The following ACTR3 variants were observed in gnomAD, a reference collection of about 807,000 sequenced individuals.
ACTR3 encodes actin related protein 3.
Under a neutral mutation model 56.8 loss-of-function variants are expected in ACTR3, and 12 were observed. The observed-to-expected ratio is 0.21, with a 90% CI of 0.14 to 0.34. ACTR3 has a LOEUF of 0.34. Ranked by LOEUF, ACTR3 falls within the 10% of genes least tolerant of loss-of-function variation. The pLI, the probability that ACTR3 is intolerant of heterozygous loss-of-function variation, is 1.00. For missense variants in ACTR3, 282 were observed against 512.5 expected (o/e 0.55, Z 4.34); for synonymous variants, 162 against 167.4 (o/e 0.97, Z 0.25).
At chr2:113,916,185 T>G (rs569678315) in intron 2 of ACTR3, among the ~76,000 whole-genome samples, 33 of 152,268 alleles carry the variant, frequency 2.2e-4, no homozygotes, top group Middle Eastern at 6.8e-3. Flanking sequence ...CCAGATCAGT[T>G]TAAGTGCATT....
At chr2:113,916,422 G>C (rs1054970922) in intron 2 of ACTR3, among the ~76,000 whole-genome samples, 1 of 152,064 alleles carries the variant, frequency 6.6e-6, no homozygotes, top group Non-Finnish European at 1.5e-5. Flanking sequence ...AGTAATTACT[G>C]TTACTAGACC....
chr2:113,932,284 G>A (rs1182008258), intron 5 of ACTR3, among the ~76,000 whole-genome samples: 1 of 152,176 alleles, frequency 6.6e-6, no homozygotes, highest in Non-Finnish European at 1.5e-5. Flanking sequence ...AACCTGTCAT[G>A]AACTTTATAG....
At chr2:113,919,586 A>C (rs1002614668) in intron 3 of ACTR3, among the ~76,000 whole-genome samples, 2 of 152,116 alleles carry the variant, frequency 1.3e-5, no homozygotes, top group Non-Finnish European at 2.9e-5. Flanking sequence ...TTGTTTTGAC[A>C]AGGAAAAAGT....
At chr2:113,952,530 G>A (rs1028511155) in intron 10 of ACTR3, 6 of 152,008 alleles carry the variant, frequency 3.9e-5, no homozygotes, top group Non-Finnish European at 1.5e-5. Context: ...CTTCTGCTTG[G>A]AAGATTACCA....
chr2:113,907,976 CAAA>C (rs70937249), intron 1 of ACTR3, among the ~76,000 whole-genome samples: 1 of 69,074 alleles, frequency 1.4e-5, no homozygotes, highest in African/African-American at 5.6e-5. Flanking sequence ...CTCTGTCCCC[CAAA>C]AAAAAAAAAA....
rs532406664 is a variant in ACTR3, at chr2:113,890,684, C to T, written c.44+361C>T. 168 of 1,146,434 alleles carry T rather than the reference C, an allele frequency of 1.5e-4. 1 individual carries two copies. In the South Asian group the frequency reaches 3.0e-3, roughly 20 times the overall value. 71.0% of individuals were successfully genotyped at this position (1,146,434 alleles called of 1,614,324 possible). A position where few individuals can be genotyped will look rare whatever the true frequency, so the allele number is the denominator to read the frequency against. On this transcript the variant is annotated intron_variant, in intron 1 of 11. Coordinates refer to ENST00000263238, the MANE Select transcript of ACTR3 (RefSeq NM_005721.5). ...GGCCCGACCCATCCGGCTTTCCTTT[C>T]CCTCCGCGCCCGTTTTTGCCAGTCG...
chr2:113,901,743 C>G (rs567771907), intron 1 of ACTR3, among the ~76,000 whole-genome samples: 1 of 152,102 alleles, frequency 6.6e-6, no homozygotes, highest in South Asian at 2.1e-4. Flanking sequence ...AAAACTTGTT[C>G]CGTATGTAGA....
chr2:113,954,634 T>C (rs1680177680), intron 10 of ACTR3: 1 of 143,516 alleles, frequency 7.0e-6, no homozygotes, highest in Admixed American at 7.0e-5. Context: ...GGCTCTTAGG[T>C]TTTTTTTTTT....
At chr2:113,890,538 G>A in intron 1 of ACTR3, 3 of 1,376,546 alleles carry the variant, frequency 2.2e-6, no homozygotes, top group Non-Finnish European at 2.8e-6. Context: ...GCGGGCCCGA[G>A]ATTCAACCCC....
At position 113,899,005 on chromosome 2, in the gene ACTR3, A is replaced by G. The variant is rs191035341; in HGVS notation, c.44+8682A>G. Among the ~76,000 whole-genome samples the G allele has an allele frequency of 6.0e-4, 91 of 152,296 alleles. 1 individual carries two copies. Among genetic ancestry groups the G allele is most frequent in the Admixed American group, 4.8e-3 (74 of 15,312 alleles). ...TACATCCAAGGAGAGTGGTCAAATT[A>G]TTAGTCCAGTTTTTAAGAGTGTCCA... On this transcript the variant is annotated intron_variant, in intron 1 of 11. Transcript: ENST00000263238.
At position 113,959,539 on chromosome 2, in the gene ACTR3, T is replaced by G. The variant is rs549439175; in HGVS notation, c.*2084T>G. On this transcript the variant is annotated 3_prime_UTR_variant, in exon 12 of 12. Transcript: ENST00000263238. The stretch of plus-strand genomic sequence containing the variant: ...ACAAAAACATGAAGATCAAAAACTT[T>G]CTTGAAGCTTACGCTTAACTTATTT... 6.6e-6 allele frequency: 1 copy of G among 152,102 alleles called. No individual in the cohort carries two copies. Among genetic ancestry groups the G allele is most frequent in the Non-Finnish European group, 1.5e-5 (1 of 67,964 alleles). The allele number at this position is 152,102 out of a possible 1,614,324, so 9.4% of individuals were successfully genotyped here. A position where few individuals can be genotyped will look rare whatever the true frequency, so the allele number is the denominator to read the frequency against.
intron 7 of ACTR3, among the ~76,000 whole-genome samples, chr2:113,940,982 G>C (rs1020194270): frequency 4.0e-5 from 6 of 151,842 alleles, no homozygotes; most frequent in African/African-American, 1.5e-4. Flanking sequence ...CACCATGTCT[G>C]GCTAAGTTTT....
chr2:113,900,916 T>C (rs1385755798), intron 1 of ACTR3, among the ~76,000 whole-genome samples: 1 of 152,196 alleles, frequency 6.6e-6, no homozygotes, highest in African/African-American at 2.4e-5. Context: ...GAGAAAAATG[T>C]TGGAGGGAAT....
At chr2:113,913,638 A>G (rs952095098) in intron 2 of ACTR3, among the ~76,000 whole-genome samples, 4 of 152,148 alleles carry the variant, frequency 2.6e-5, no homozygotes, top group Non-Finnish European at 4.4e-5. Context: ...CGTCCTCACT[A>G]AGTGCCCATG....
intron 1 of ACTR3, 93 bp downstream of exon 1, chr2:113,890,416 AG>A (rs999515445): frequency 7.3e-7 from 1 of 1,365,770 alleles, no homozygotes; most frequent in Non-Finnish European, 9.9e-7. Flanking sequence ...TGGTGCGGCG[AG>A]GTGCCGCCGC....
intron 5 of ACTR3, among the ~76,000 whole-genome samples, chr2:113,931,711 C>G (rs1381327019): frequency 6.6e-6 from 1 of 151,930 alleles, no homozygotes; most frequent in Non-Finnish European, 1.5e-5. Flanking sequence ...ATATATTTAT[C>G]CTTGTAAATA....
In ACTR3 at chr2:113,962,560, A is replaced by G. The variant is rs574549950; in HGVS notation, c.*5105A>G. The G allele has an allele frequency of 6.6e-6, 1 of 152,096 alleles. No homozygotes were observed. Among genetic ancestry groups the G allele is most frequent in the East Asian group, 1.9e-4 (1 of 5,182 alleles). 9.4% of individuals were successfully genotyped at this position (152,096 alleles called of 1,614,324 possible). A position where few individuals can be genotyped will look rare whatever the true frequency, so the allele number is the denominator to read the frequency against. ...ATTAGAAAGTCGATATCGGAATTGG[A>G]ACCACACATCTTTTTCTTATTGTGG... On this transcript the variant is annotated 3_prime_UTR_variant, in exon 12 of 12. Transcript: ENST00000263238.
intron 6 of ACTR3, 71 bp from the exon 7 acceptor site, chr2:113,939,888 T>C: frequency 7.1e-7 from 1 of 1,418,262 alleles, no homozygotes; most frequent in Non-Finnish European, 9.7e-7. Flanking sequence ...TCTTTATTGG[T>C]TCATATTTTT....
chr2:113,947,963 A>G (rs556869007), intron 8 of ACTR3, among the ~76,000 whole-genome samples: 1 of 152,162 alleles, frequency 6.6e-6, no homozygotes, highest in Admixed American at 6.5e-5. Flanking sequence ...AATCAGTTAT[A>G]TATATGCACA....
Sources: gnomAD v4.1 joint callset for allele counts (sites outside exome capture counted in the v4.1 genomes callset) on GRCh38, gnomAD v4.1.1 for gene constraint, MANE v1.5 for transcripts, NCBI Gene and HGNC (gene_info 2026-07-23, HGNC 2026-07-21) for gene names.